NDST3: variants seen among roughly 807,000 people sequenced by gnomAD.
NDST3 encodes bifunctional heparan sulfate N-deacetylase/N-sulfotransferase 3.
NDST3 carries 58 observed loss-of-function variants against 96.1 expected under a neutral mutation model. The observed-to-expected ratio is 0.60, with a 90% CI of 0.49 to 0.75. NDST3 has a LOEUF of 0.75. NDST3 is among the 30% of genes least tolerant of loss of function. The pLI is 0.00. For missense variants in NDST3, 788 were observed against 1,034.2 expected (o/e 0.76, Z 3.27); for synonymous variants, 333 against 359.7 (o/e 0.93, Z 0.84).
intron 6 of NDST3, among the ~76,000 whole-genome samples, chr4:118,181,236 CTT>C (rs1168659153): frequency 6.6e-6 from 1 of 152,048 alleles, no homozygotes; most frequent in Non-Finnish European, 1.5e-5. Context: ...TCTATTCCCT[CTT>C]AGTAATTTCC....
At chr4:118,059,031 T>G (rs1389629661) in intron 2 of NDST3, among the ~76,000 whole-genome samples, 1 of 152,116 alleles carries the variant, frequency 6.6e-6, no homozygotes, top group East Asian at 1.9e-4. Context: ...AGTTGAATAC[T>G]CTCAATGCAT....
intron 1 of NDST3, among the ~76,000 whole-genome samples, chr4:118,049,272 G>C (rs1001256305): frequency 6.6e-6 from 1 of 151,940 alleles, no homozygotes; most frequent in Non-Finnish European, 1.5e-5. Flanking sequence ...CAAGAAGTTA[G>C]AAAGATCTCA....
intron 2 of NDST3, among the ~76,000 whole-genome samples, chr4:118,077,531 A>G (rs929278164): frequency 6.5e-4 from 99 of 152,192 alleles, no homozygotes; most frequent in African/African-American, 2.4e-3. Context: ...GCCCCCTCCA[A>G]TCACTGGCTT....
At chr4:118,171,207 C>T (rs1449787209) in intron 6 of NDST3, among the ~76,000 whole-genome samples, 1 of 152,184 alleles carries the variant, frequency 6.6e-6, no homozygotes, top group East Asian at 1.9e-4. Context: ...GTAGAAACTT[C>T]AGCCCTAAAA....
intron 6 of NDST3, among the ~76,000 whole-genome samples, chr4:118,186,885 T>C (rs1008588698): frequency 1.3e-5 from 2 of 152,226 alleles, no homozygotes; most frequent in African/African-American, 4.8e-5. Context: ...TTTAAGCTTT[T>C]GTCATTACAG....
At chr4:118,058,105 A>G (rs1252445806) in intron 2 of NDST3, among the ~76,000 whole-genome samples, 1 of 151,934 alleles carries the variant, frequency 6.6e-6, no homozygotes, top group Non-Finnish European at 1.5e-5. Flanking sequence ...AGCAAATATT[A>G]TATTTTCCCT....
intron 1 of NDST3, among the ~76,000 whole-genome samples, chr4:118,046,381 T>C (rs2389498): frequency 0.75 from 113,874 of 152,102 alleles, 44,468 homozygotes; most frequent in South Asian, 0.9. Context: ...TGGTAATAGG[T>C]GTCCATAACC....
chr4:118,201,409 A>G (rs1738078540), intron 6 of NDST3, among the ~76,000 whole-genome samples: 1 of 152,206 alleles, frequency 6.6e-6, no homozygotes, highest in Admixed American at 6.5e-5. Flanking sequence ...CTAACAATGT[A>G]TAAGTGTCCA....
At chr4:118,076,540 C>A (rs1259648589) in intron 2 of NDST3, among the ~76,000 whole-genome samples, 1 of 152,090 alleles carries the variant, frequency 6.6e-6, no homozygotes, top group East Asian at 1.9e-4. Flanking sequence ...TTAGGAAAAC[C>A]AGTCTTTGAG....
rs552263074 is a variant in NDST3 at position 118,238,155 on chromosome 4, A to AAAAG, written c.2118+1003_2118+1006dup. Among the ~76,000 whole-genome samples the AAAAG allele has an allele frequency of 5.2e-3, 471 of 91,228 alleles. 9 individuals are homozygous for AAAAG. The highest frequency in any genetic ancestry group is 0.015 in the East Asian group (51 of 3,370). The allele number at this position is 91,228 out of a possible 152,430, so 59.8% of individuals were successfully genotyped here. A position where few individuals can be genotyped will look rare whatever the true frequency, so the allele number is the denominator to read the frequency against. On this transcript the variant is annotated intron_variant, in intron 10 of 13. Coordinates refer to ENST00000296499, the MANE Select transcript of NDST3 (RefSeq NM_004784.3). ...AGAGAGAGAGAGAGAGAAAAGAAAG[A>AAAAG]AAAGAAAGAAAGAAAGAAAGAAAGA...
At chr4:118,101,367 T>TG (rs1221701354) in intron 2 of NDST3, among the ~76,000 whole-genome samples, 1 of 63,004 alleles carries the variant, frequency 1.6e-5, no homozygotes, top group African/African-American at 3.3e-5. Context: ...AATGAAGACT[T>TG]GAAAAAAAAA....
chr4:118,047,332 G>A (rs1468386055), intron 1 of NDST3, among the ~76,000 whole-genome samples: 2 of 152,164 alleles, frequency 1.3e-5, no homozygotes, highest in Non-Finnish European at 2.9e-5. Context: ...AAGACCTCTG[G>A]CAATTTAAAA....
chr4:118,235,546 G>A (rs1740583173), intron 9 of NDST3, among the ~76,000 whole-genome samples: 2 of 152,126 alleles, frequency 1.3e-5, no homozygotes, highest in South Asian at 4.1e-4. Flanking sequence ...CTTCTAGGAA[G>A]GTATGGCAGG....
intron 2 of NDST3, among the ~76,000 whole-genome samples, chr4:118,057,591 T>C (rs1250726013): frequency 6.6e-6 from 1 of 152,078 alleles, no homozygotes; most frequent in Non-Finnish European, 1.5e-5. Flanking sequence ...GAAGCTGAGA[T>C]GCTATAGCTT....
chr4:118,084,370 G>A (rs1728256554), intron 2 of NDST3, among the ~76,000 whole-genome samples: 1 of 152,064 alleles, frequency 6.6e-6, no homozygotes, highest in Non-Finnish European at 1.5e-5. Context: ...TAAAAAAATA[G>A]TATCCACGAT....
At chr4:118,072,429 GTA>G (rs1491458842) in intron 2 of NDST3, among the ~76,000 whole-genome samples, 3 of 151,956 alleles carry the variant, frequency 2.0e-5, no homozygotes, top group African/African-American at 7.3e-5. Flanking sequence ...AACTCTCCTT[GTA>G]GAAATCTTTG....
At chr4:118,122,125 T>G (rs1016870593) in intron 4 of NDST3, among the ~76,000 whole-genome samples, 14 of 152,328 alleles carry the variant, frequency 9.2e-5, no homozygotes, top group African/African-American at 2.6e-4. Flanking sequence ...ATGTACTGCA[T>G]GAAAATAGTG....
chr4:118,045,135 C>T (rs994682813), intron 1 of NDST3, among the ~76,000 whole-genome samples: 2 of 152,128 alleles, frequency 1.3e-5, no homozygotes, highest in Non-Finnish European at 2.9e-5. Flanking sequence ...TCTTTCCTCC[C>T]ACTCATTATT....
chr4:118,065,832 G>T (rs1290977662), intron 2 of NDST3, among the ~76,000 whole-genome samples: 2 of 150,544 alleles, frequency 1.3e-5, no homozygotes, highest in Admixed American at 1.3e-4. Flanking sequence ...TTGATATCCT[G>T]GTGCCTGGTG....
Sources: allele counts gnomAD v4.1 joint callset (sites outside exome capture counted in the v4.1 genomes callset), GRCh38; gene constraint gnomAD v4.1.1; transcripts MANE v1.5; gene names NCBI Gene and HGNC (gene_info 2026-07-23, HGNC 2026-07-21).